Variants in SEPTIN10 observed in about 807,000 individuals in gnomAD.
The protein encoded by SEPTIN10 is septin-10.
A neutral mutation model predicts 54.8 loss-of-function variants in SEPTIN10; 66 were observed. The ratio of observed to expected loss-of-function variants is 1.21; its 90% CI spans 0.99 to 1.48. SEPTIN10 has a LOEUF of 1.48. SEPTIN10 is among the 40% of genes most tolerant of loss of function. The probability of loss-of-function intolerance (pLI) is 0.00; values close to 1 mark genes in which losing one functional copy is unlikely to be tolerated. For missense variants in SEPTIN10, 620 were observed against 545.6 expected (o/e 1.14, Z -1.36); for synonymous variants, 161 against 181.0 (o/e 0.89, Z 0.89).
chr2:109,592,658 T>C (rs1020964381), intron 2 of SEPTIN10, among the ~76,000 whole-genome samples: 4 of 150,486 alleles, frequency 2.7e-5, no homozygotes, highest in Non-Finnish European at 5.9e-5. Context: ...TGGTCACCTG[T>C]GATCCCAGCT....
chr2:109,582,033 C>T (rs1423714360), intron 4 of SEPTIN10, among the ~76,000 whole-genome samples: 1 of 151,590 alleles, frequency 6.6e-6, no homozygotes, highest in Non-Finnish European at 1.5e-5. Flanking sequence ...CAATAATGGT[C>T]AAGCTGAGAG....
Position 109,544,248 on chromosome 2 carries a change from T to C in SEPTIN10, c.*61A>G, listed in dbSNP as rs757350117. The C allele has an allele frequency of 2.2e-5, 35 of 1,612,646 alleles. No homozygotes were observed. The highest frequency in any genetic ancestry group is 1.7e-4 in the Middle Eastern group (1 of 6,048). ...TAACAGCAAAATCAAAGCACACTTCTAGTTTTTTTTTAATAAAGTTTGCTT... is the reference window on the plus strand; with the variant it reads ...TAACAGCAAAATCAAAGCACACTTCCAGTTTTTTTTTAATAAAGTTTGCTT... On this transcript the variant is annotated 3_prime_UTR_variant, in exon 11 of 11. Coordinates refer to ENST00000397712, the MANE Select transcript of SEPTIN10 (RefSeq NM_144710.5).
intron 6 of SEPTIN10, among the ~76,000 whole-genome samples, chr2:109,566,438 G>A (rs868793178): frequency 2.6e-5 from 4 of 151,916 alleles, no homozygotes; most frequent in Non-Finnish European, 5.9e-5. Context: ...CACCACACCT[G>A]GCCGAAAAAG....
intron 1 of SEPTIN10, among the ~76,000 whole-genome samples, chr2:109,608,610 G>A (rs1250817485): frequency 6.6e-6 from 1 of 152,140 alleles, no homozygotes; most frequent in Non-Finnish European, 1.5e-5. Context: ...TTTACTAAAA[G>A]TAATACCAAC....
At chr2:109,604,210 G>A (rs539918030) in intron 1 of SEPTIN10, among the ~76,000 whole-genome samples, 5 of 150,542 alleles carry the variant, frequency 3.3e-5, no homozygotes, top group African/African-American at 9.8e-5. Context: ...CAGGTGTGGT[G>A]GTGTGTGCCT....
intron 10 of SEPTIN10, chr2:109,544,698 G>C: frequency 1.2e-6 from 1 of 864,312 alleles, no homozygotes; most frequent in Non-Finnish European, 1.4e-6. Flanking sequence ...AAAATCCAAA[G>C]CATGTTGAAA....
chr2:109,575,564 G>C lies in SEPTIN10; in HGVS notation c.414-797C>G, dbSNP rs370600223. ...CAAATCAAATCACAGTGCATGTGCAGAGCAGTGTGCTAATGCTGTTCCAAG... is the reference window on the plus strand; with the variant it reads ...CAAATCAAATCACAGTGCATGTGCACAGCAGTGTGCTAATGCTGTTCCAAG... On this transcript the variant is annotated intron_variant, in intron 4 of 10. Transcript: ENST00000397712. Among the ~76,000 whole-genome samples the C allele has an allele frequency of 2.6e-5, 4 of 152,326 alleles. No homozygotes were observed. The East Asian group carries it at 5.8e-4, about 22-fold the overall frequency.
chr2:109,612,725 G>A (rs1031568471), intron 1 of SEPTIN10, among the ~76,000 whole-genome samples: 1 of 152,080 alleles, frequency 6.6e-6, no homozygotes, highest in African/African-American at 2.4e-5. Context: ...ACTCACACAT[G>A]CACACAAACA....
chr2:109,613,726 T>G, intron 1 of SEPTIN10, 72 bp downstream of exon 1: 2 of 1,003,160 alleles, frequency 2.0e-6, no homozygotes, highest in Non-Finnish European at 2.5e-6. Flanking sequence ...AGGGGGCCGG[T>G]GGGTCGAGGG....
At chr2:109,582,405 G>A (rs1439346700) in intron 4 of SEPTIN10, among the ~76,000 whole-genome samples, 4 of 152,178 alleles carry the variant, frequency 2.6e-5, no homozygotes, top group Middle Eastern at 3.4e-3. Flanking sequence ...CTGCAGCTTC[G>A]ACTTCCCAGG....
Position 109,613,456 on chromosome 2 carries a change from A to G in SEPTIN10, c.30+342T>C, listed in dbSNP as rs190410073. On this transcript the variant is annotated intron_variant, in intron 1 of 10. Coordinates refer to ENST00000397712, the MANE Select transcript of SEPTIN10 (RefSeq NM_144710.5). ...GATGACCGCTATTCAATCAGTCCGC[A>G]CTGCGCCTTCAACTCCGTTATAGCC... 911 of 267,012 alleles carry G rather than the reference A, an allele frequency of 3.4e-3. 3 individuals are homozygous for G. The highest frequency in any genetic ancestry group is 6.1e-3 in the Middle Eastern group (4 of 652). The allele number at this position is 267,012 out of a possible 1,614,324, so 16.5% of individuals were successfully genotyped here. A position where few individuals can be genotyped will look rare whatever the true frequency, so the allele number is the denominator to read the frequency against.
intron 6 of SEPTIN10, 77 bp from the exon 7 acceptor site, chr2:109,565,936 G>C: frequency 7.9e-7 from 1 of 1,259,256 alleles, no homozygotes; most frequent in Non-Finnish European, 1.2e-6. Context: ...ATGTGAGAGA[G>C]AAGAGAATAA....
At position 109,598,357 on chromosome 2, in the gene SEPTIN10, T is replaced by A. The variant is rs557916801; in HGVS notation, c.31-5238A>T. ...TGCTGGGATTATAGGCGTGAGCCAC[T>A]GCGCCCGGCCCTATAATCACTTGAC... On this transcript the variant is annotated intron_variant, in intron 1 of 10. Coordinates refer to ENST00000397712, the MANE Select transcript of SEPTIN10 (RefSeq NM_144710.5). Among the ~76,000 whole-genome samples the A allele has an allele frequency of 9.9e-5, 15 of 152,048 alleles. No individual in the cohort carries two copies. In the South Asian group the frequency reaches 3.1e-3, roughly 32 times the overall value.
At chr2:109,591,001 T>C (rs1253240100) in intron 2 of SEPTIN10, among the ~76,000 whole-genome samples, 1 of 152,186 alleles carries the variant, frequency 6.6e-6, no homozygotes, top group Non-Finnish European at 1.5e-5. Flanking sequence ...CTTTGACCTA[T>C]AGAACTGAGA....
intron 5 of SEPTIN10, among the ~76,000 whole-genome samples, 162 bp downstream of exon 5, chr2:109,574,419 T>C (rs1689106541): frequency 7.7e-6 from 1 of 130,246 alleles, no homozygotes. Context: ...ACCTCCAGCC[T>C]GGGTGACAGA....
intron 8 of SEPTIN10, among the ~76,000 whole-genome samples, chr2:109,561,686 C>T (rs1685686838): frequency 6.6e-6 from 1 of 152,120 alleles, no homozygotes; most frequent in Non-Finnish European, 1.5e-5. Flanking sequence ...TTACCAACTA[C>T]ACCCCTAAAC....
At chr2:109,545,483 C>A (rs767007810) in intron 10 of SEPTIN10, 18 of 1,536,158 alleles carry the variant, frequency 1.2e-5, no homozygotes, top group Non-Finnish European at 1.6e-5. Context: ...TTTACGTCCA[C>A]CATTGGTTTC....
chr2:109,564,034 G>A (rs778708518), intron 8 of SEPTIN10, among the ~76,000 whole-genome samples: 2 of 152,106 alleles, frequency 1.3e-5, no homozygotes, highest in Non-Finnish European at 2.9e-5. Context: ...ATATATCATC[G>A]TCTCAGATAA....
intron 10 of SEPTIN10, 58 bp from the exon 11 acceptor site, chr2:109,544,382 T>C: frequency 6.5e-7 from 1 of 1,547,228 alleles, no homozygotes; most frequent in African/African-American, 1.4e-5. Context: ...AAGTAAAAAT[T>C]AGCAAACATG....
Sources: allele counts gnomAD v4.1 joint callset (sites outside exome capture counted in the v4.1 genomes callset), GRCh38; gene constraint gnomAD v4.1.1; transcripts MANE v1.5; gene names NCBI Gene and HGNC (gene_info 2026-07-23, HGNC 2026-07-21).